GPR137B: variants seen among roughly 807,000 people sequenced by gnomAD.
GPR137B encodes G protein-coupled receptor 137B, also known as integral membrane protein GPR137B.
GPR137B carries 42 observed loss-of-function variants against 42.5 expected under a neutral mutation model. The ratio of observed to expected loss-of-function variants is 0.99; its 90% CI spans 0.77 to 1.28. The LOEUF is 1.28. Among genes scored for constraint, GPR137B ranks in the 50% most tolerant of loss-of-function variants. GPR137B has a pLI of 0.00. For synonymous variants in GPR137B, 218 were observed against 209.7 expected (o/e 1.04, Z -0.34); for missense variants, 487 against 493.9 (o/e 0.99, Z 0.13).
At chr1:236,153,967 G>A (rs542777795) in intron 1 of GPR137B, among the ~76,000 whole-genome samples, 21 of 152,348 alleles carry the variant, frequency 1.4e-4, no homozygotes, top group South Asian at 1.2e-3. Context: ...GGTGGAAGTC[G>A]TCACCTGTGA....
intron 1 of GPR137B, among the ~76,000 whole-genome samples, chr1:236,167,617 C>G (rs1662399398): frequency 6.6e-6 from 1 of 152,096 alleles, no homozygotes; most frequent in African/African-American, 2.4e-5. Context: ...AAAAGCTGTC[C>G]TCTCTCCTCC....
chr1:236,208,853 T>C lies in GPR137B; in HGVS notation c.*695T>C. The C allele has an allele frequency of 1.0e-6, 1 of 982,824 alleles. No homozygotes were observed. Among genetic ancestry groups the C allele is most frequent in the Non-Finnish European group, 1.2e-6 (1 of 827,550 alleles). The allele number at this position is 982,824 out of a possible 1,614,324, so 60.9% of individuals were successfully genotyped here. On this transcript the variant is annotated 3_prime_UTR_variant, in exon 7 of 7. Transcript: ENST00000366592. ...TGTATACACATTAATGATAAGTTGATAACATTAAAAATGTAGCTGACTTAT... is the reference window on the plus strand; with the variant it reads ...TGTATACACATTAATGATAAGTTGACAACATTAAAAATGTAGCTGACTTAT...
intron 5 of GPR137B, among the ~76,000 whole-genome samples, chr1:236,204,752 C>T (rs1291698396): frequency 2.0e-5 from 3 of 152,070 alleles, no homozygotes; most frequent in Non-Finnish European, 2.9e-5. Flanking sequence ...TGTTATTGGT[C>T]TGTTCGGGTT....
chr1:236,208,188 T>G lies in GPR137B; in HGVS notation c.*30T>G, dbSNP rs760200673. 1.9e-6 allele frequency: 3 copies of G among 1,609,210 alleles called. No homozygotes were observed. The Admixed American group carries it at 5.0e-5, about 27-fold the overall frequency. ...AGTTAACAGTTTTATGGACGATTCC[T>G]CAGATGAAAAGCTTCAGAAAAGCAT... On this transcript the variant is annotated 3_prime_UTR_variant, in exon 7 of 7. Coordinates refer to ENST00000366592, the MANE Select transcript of GPR137B (RefSeq NM_003272.4).
chr1:236,144,074 C>A (rs1661614016), intron 1 of GPR137B, among the ~76,000 whole-genome samples: 1 of 129,336 alleles, frequency 7.7e-6, no homozygotes, highest in East Asian at 2.2e-4. Flanking sequence ...GCATCTCATT[C>A]CTTTTAAGTG....
rs940780716 is a variant in GPR137B, at chr1:236,150,015, CTG to C, written c.414+6987_414+6988del. On this transcript the variant is annotated intron_variant, in intron 1 of 6. Transcript: ENST00000366592. The surrounding 1 kb of genome is among the most constrained non-coding windows in gnomAD (Gnocchi z 6.2). ...TGTGTATGTGTGCCTGTGTGTGTGC[CTG>C]TGTGTGTACCTGTGTGTGTGTGTGC... Among the ~76,000 whole-genome samples the C allele has an allele frequency of 6.8e-6, 1 of 147,898 alleles. No individual in the cohort carries two copies. The highest frequency in any genetic ancestry group is 1.5e-5 in the Non-Finnish European group (1 of 66,830).
intron 5 of GPR137B, 129 bp downstream of exon 5, chr1:236,184,035 T>G (rs1397541872): frequency 3.3e-6 from 2 of 601,218 alleles, no homozygotes; most frequent in Non-Finnish European, 5.7e-6. Flanking sequence ...AAAGTTTCCT[T>G]GACTATTTTA....
At position 236,208,244 on chromosome 1, in the gene GPR137B, C is replaced by T; in HGVS notation, c.*86C>T. ...CAGCTGAATTTTTAGGGCACTTTTC[C>T]TTAAGAAATAGAACTTGATTTTTAT... On this transcript the variant is annotated 3_prime_UTR_variant, in exon 7 of 7. Coordinates refer to ENST00000366592, the MANE Select transcript of GPR137B (RefSeq NM_003272.4). 1 of 1,542,088 alleles carries T rather than the reference C, an allele frequency of 6.5e-7. No individual in the cohort carries two copies. Among genetic ancestry groups the T allele is most frequent in the South Asian group, 1.2e-5 (1 of 81,398 alleles).
chr1:236,175,702 A>C (rs530588348), intron 2 of GPR137B, among the ~76,000 whole-genome samples: 24 of 152,150 alleles, frequency 1.6e-4, no homozygotes, highest in Admixed American at 6.5e-4. Context: ...GGCAGAGCAC[A>C]TGAAAACCGT....
At chr1:236,186,458 G>A (rs1189900807) in intron 5 of GPR137B, among the ~76,000 whole-genome samples, 1 of 146,626 alleles carries the variant, frequency 6.8e-6, no homozygotes, top group Non-Finnish European at 1.5e-5. Flanking sequence ...ACCTACATGA[G>A]GTATTTCTCC....
chr1:236,188,606 T>C (rs1453795057), intron 5 of GPR137B, among the ~76,000 whole-genome samples: 2 of 152,220 alleles, frequency 1.3e-5, no homozygotes, highest in Non-Finnish European at 1.5e-5. Context: ...GTTCTGTTTA[T>C]GTGATGGATT....
intron 3 of GPR137B, among the ~76,000 whole-genome samples, chr1:236,178,943 A>G (rs111421491): frequency 0.013 from 1,943 of 150,922 alleles, 56 homozygotes; most frequent in African/African-American, 0.045. Context: ...GACTACAGGC[A>G]CCCACCACTA....
chr1:236,185,156 C>T (rs1426897211), intron 5 of GPR137B, among the ~76,000 whole-genome samples: 4 of 152,114 alleles, frequency 2.6e-5, no homozygotes, highest in African/African-American at 4.8e-5. Context: ...ATATAGATGA[C>T]CTAATAGTCC....
chr1:236,143,048 A>T lies in GPR137B; in HGVS notation c.414+12A>T. The T allele has an allele frequency of 1.3e-6, 2 of 1,599,406 alleles. No individual in the cohort carries two copies. Among genetic ancestry groups the T allele is most frequent in the Non-Finnish European group, 1.7e-6 (2 of 1,172,944 alleles). On this transcript the variant is annotated intron_variant, in intron 1 of 6. Coordinates refer to ENST00000366592, the MANE Select transcript of GPR137B (RefSeq NM_003272.4). ...TGTACTTCACGCAGGTGAGTTTCAG[A>T]GAGGCTCCTGGAGGCGCTCACCTGG...
chr1:236,190,152 T>G (rs34771926), intron 5 of GPR137B, among the ~76,000 whole-genome samples: 230 of 70,008 alleles, frequency 3.3e-3, no homozygotes, highest in East Asian at 0.013. Flanking sequence ...CTTCTTCTTT[T>G]TTTTTTTTTT....
At chr1:236,181,980 C>G (rs187318707) in intron 4 of GPR137B, among the ~76,000 whole-genome samples, 2 of 150,380 alleles carry the variant, frequency 1.3e-5, no homozygotes, top group East Asian at 3.9e-4. Flanking sequence ...GCAACCTCCG[C>G]CTCCCGGGTT....
intron 1 of GPR137B, among the ~76,000 whole-genome samples, chr1:236,161,019 T>G (rs1662176635): frequency 6.6e-6 from 1 of 152,030 alleles, no homozygotes; most frequent in African/African-American, 2.4e-5. Context: ...GACCCCACAG[T>G]CCACTGTAGA....
At chr1:236,192,470 G>A (rs1663220536) in intron 5 of GPR137B, among the ~76,000 whole-genome samples, 1 of 152,092 alleles carries the variant, frequency 6.6e-6, no homozygotes, top group Non-Finnish European at 1.5e-5. Flanking sequence ...CCCTGGAGAG[G>A]TAGGCACCAG....
intron 1 of GPR137B, 56 bp downstream of exon 1, chr1:236,143,092 G>T: frequency 6.7e-7 from 1 of 1,501,498 alleles, no homozygotes; most frequent in South Asian, 1.3e-5. Context: ...TCCCCGCGGG[G>T]CGCCCGAGGC....
Sources: allele counts gnomAD v4.1 joint callset (sites outside exome capture counted in the v4.1 genomes callset), GRCh38; gene constraint gnomAD v4.1.1; non-coding constraint Gnocchi (gnomAD v3.1); transcripts MANE v1.5; gene names NCBI Gene and HGNC (gene_info 2026-07-23, HGNC 2026-07-21).